Variants in ACTL6B observed in about 807,000 individuals in gnomAD.
ACTL6B encodes the protein actin like 6B.
A neutral mutation model predicts 63.3 loss-of-function variants in ACTL6B; 48 were observed. The observed-to-expected ratio is 0.76, with a 90% CI of 0.60 to 0.96. ACTL6B has a LOEUF of 0.96. ACTL6B is among the 50% of genes least tolerant of loss of function. The pLI is 0.00. For missense variants in ACTL6B, 350 were observed against 572.2 expected (o/e 0.61, Z 3.96); for synonymous variants, 230 against 223.8 (o/e 1.03, Z -0.25).
In ACTL6B at chr7:100,647,582, C is replaced by CA. The variant is rs748851049; in HGVS notation, c.670-50dup. On this transcript the variant is annotated intron_variant, in intron 7 of 13. Coordinates refer to ENST00000160382, the MANE Select transcript of ACTL6B (RefSeq NM_016188.5). This position sits in a 1 kb window ranked among gnomAD's most constrained non-coding sequence, Gnocchi z 4.4. ...ACCCTTTCCTAGCCCACCTGACCCC[C>CA]ACCCCCACCTTCCTGGCACTGTTCC... 5 of 1,374,094 alleles carry CA rather than the reference C, an allele frequency of 3.6e-6. No homozygotes were observed. The East Asian group carries it at 1.2e-4, about 32-fold the overall frequency. The allele number at this position is 1,374,094 out of a possible 1,614,324, so 85.1% of individuals were successfully genotyped here. A position where few individuals can be genotyped will look rare whatever the true frequency, so the allele number is the denominator to read the frequency against.
Position 100,646,552 on chromosome 7 carries a change from G to T in ACTL6B, c.1112C>A (p.Pro371Gln). Reference protein sequence around the residue: ...LNRELSQKTPPSMRLKLIASN... With the variant: ...LNRELSQKTPQSMRLKLIASN... The stretch of plus-strand genomic sequence containing the variant: ...TCTGGGTCAGGGGTGGGCTCCTACC[G>T]GTGGGGTCTTCTGGGAAAGCTCTCG... Residue 371 changes from proline to glutamine, a missense_variant and splice_region_variant, in exon 12 of 14, where the codon CCG (proline) becomes CAG (glutamine). Physicochemically the swap from Pro to Gln is moderately conservative, Grantham distance 76. Around this residue, in one of 3 missense-constraint regions of ACTL6B, gnomAD observed 76 missense variants for 126.1 expected, o/e 0.60. Coordinates refer to ENST00000160382, the MANE Select transcript of ACTL6B (RefSeq NM_016188.5). The surrounding 1 kb of genome is among the most constrained non-coding windows in gnomAD (Gnocchi z 6.1). 1 of 1,614,012 alleles carries T rather than the reference G, an allele frequency of 6.2e-7. No individual in the cohort carries two copies. The highest frequency in any genetic ancestry group is 8.5e-7 in the Non-Finnish European group (1 of 1,179,990).
intron 4 of ACTL6B, among the ~76,000 whole-genome samples, chr7:100,654,432 C>CATAATAATA (rs146623180): frequency 9.4e-4 from 129 of 137,442 alleles, no homozygotes; most frequent in Non-Finnish European, 1.2e-3. Context: ...CAAAGTTGAC[C>CATAATAATA]ATAATAATAA....
At position 100,646,870 on chromosome 7, in the gene ACTL6B, C is replaced by T. The variant is rs1227715634; in HGVS notation, c.937-39G>A. The stretch of plus-strand genomic sequence containing the variant: ...TGACTGGGGCTGTGGGCTCTCTCCC[C>T]CTTCCCCCCAGACCCCTGCAATCCT... On this transcript the variant is annotated intron_variant, in intron 10 of 13. Coordinates refer to ENST00000160382, the MANE Select transcript of ACTL6B (RefSeq NM_016188.5). The surrounding 1 kb of genome is among the most constrained non-coding windows in gnomAD (Gnocchi z 6.1). 1 of 1,603,612 alleles carries T rather than the reference C, an allele frequency of 6.2e-7. No homozygotes were observed. The highest frequency in any genetic ancestry group is 8.5e-7 in the Non-Finnish European group (1 of 1,174,496).
At position 100,656,323 on chromosome 7, in the gene ACTL6B, C is replaced by A; in HGVS notation, c.25+7G>T. 7.2e-7 allele frequency: 1 copy of A among 1,383,180 alleles called. No individual in the cohort carries two copies. Among genetic ancestry groups the A allele is most frequent in the African/African-American group, 1.5e-5 (1 of 66,140 alleles). 85.7% of individuals were successfully genotyped at this position (1,383,180 alleles called of 1,614,324 possible). A position where few individuals can be genotyped will look rare whatever the true frequency, so the allele number is the denominator to read the frequency against. ...CTGCGGGAGCCGGGGGCCCGAGGCT[C>A]GCTCACCTCCGCCGTAGACGCCCCC... On this transcript the variant is annotated splice_region_variant and intron_variant, in intron 1 of 13. Transcript: ENST00000160382.
At position 100,643,247 on chromosome 7, in the gene ACTL6B, C is replaced by T; in HGVS notation, c.1280G>A (p.Ter427=). ...GKQCVERKCP[*] Reference sequence around the variant, plus strand: ...GCAGGTGTGTGGGGAGGAGTGCCATCAGGGGCACTTTCGCTCCACGCACTG... The same window carrying T: ...GCAGGTGTGTGGGGAGGAGTGCCATTAGGGGCACTTTCGCTCCACGCACTG... Residue 427 remains the stop codon, a stop_retained_variant, in exon 14 of 14, where the codon TGA becomes TAA. Transcript: ENST00000160382. The T allele has an allele frequency of 1.9e-6, 3 of 1,613,942 alleles. No homozygotes were observed. Among genetic ancestry groups the T allele is most frequent in the Non-Finnish European group, 1.7e-6 (2 of 1,179,924 alleles).
At position 100,651,286 on chromosome 7, in the gene ACTL6B, C is replaced by T. The variant is rs150577037; in HGVS notation, c.370-1151G>A. Among the ~76,000 whole-genome samples, 1,114 of 152,190 alleles carry T rather than the reference C, an allele frequency of 7.3e-3. 7 individuals are homozygous for T. Among genetic ancestry groups the T allele is most frequent in the Non-Finnish European group, 0.01 (699 of 68,012 alleles). ...TTTTTAGATGCTGGGCGCGGTGGCT[C>T]ATGCCTGTAATCCCAGCGCTTTGGG... On this transcript the variant is annotated intron_variant, in intron 4 of 13. Coordinates refer to ENST00000160382, the MANE Select transcript of ACTL6B (RefSeq NM_016188.5).
chr7:100,655,960 AGCCACAGTCTC>A lies in ACTL6B; in HGVS notation c.26-92_26-82del. 7.1e-7 allele frequency: 1 copy of A among 1,412,132 alleles called. No homozygotes were observed. The highest frequency in any genetic ancestry group is 9.6e-7 in the Non-Finnish European group (1 of 1,039,870). 87.5% of individuals were successfully genotyped at this position (1,412,132 alleles called of 1,614,324 possible). A position where few individuals can be genotyped will look rare whatever the true frequency, so the allele number is the denominator to read the frequency against. On this transcript the variant is annotated intron_variant, in intron 1 of 13. Coordinates refer to ENST00000160382, the MANE Select transcript of ACTL6B (RefSeq NM_016188.5). The surrounding 1 kb of genome is among the most constrained non-coding windows in gnomAD (Gnocchi z 4.4). ...TAGCTCCGAGAGAAAGTCAGGGCAGAGCCACAGTCTCGCCACTTTCAACACCAGTCTGGGGC... is the reference window on the plus strand; with the variant it reads ...TAGCTCCGAGAGAAAGTCAGGGCAGAGCCACTTTCAACACCAGTCTGGGGC...
intron 4 of ACTL6B, among the ~76,000 whole-genome samples, chr7:100,653,718 G>A (rs1407980331): frequency 1.3e-5 from 2 of 152,054 alleles, no homozygotes; most frequent in Admixed American, 1.3e-4. Flanking sequence ...AAAACCCACT[G>A]TACTTAAAGG....
At chr7:100,649,629 T>G (rs897425282) in intron 5 of ACTL6B, among the ~76,000 whole-genome samples, 2 of 152,214 alleles carry the variant, frequency 1.3e-5, no homozygotes, top group East Asian at 1.9e-4. Flanking sequence ...GTCCTACAGA[T>G]TCCCTGAAAT....
chr7:100,643,356 G>A (rs1353607442), intron 13 of ACTL6B, 30 bp from the exon 14 acceptor site: 4 of 1,611,470 alleles, frequency 2.5e-6, no homozygotes, highest in Non-Finnish European at 3.4e-6. Flanking sequence ...TCAGGGTCAG[G>A]GTGGCCTTGG....
Position 100,655,374 on chromosome 7 carries a change from G to T in ACTL6B, c.268+47C>A. On this transcript the variant is annotated intron_variant, in intron 3 of 13. Transcript: ENST00000160382. This position sits in a 1 kb window ranked among gnomAD's most constrained non-coding sequence, Gnocchi z 4.4. ...GGGCTGCTATGACCCAGATTGTGGG[G>T]AGCGGGCTCCTTTTCTGTCAGGAGG... 6.3e-7 allele frequency: 1 copy of T among 1,588,860 alleles called. No homozygotes were observed. The highest frequency in any genetic ancestry group is 8.6e-7 in the Non-Finnish European group (1 of 1,166,156).
intron 1 of ACTL6B, 58 bp downstream of exon 1, chr7:100,656,272 G>A (rs1245291583): frequency 1.9e-5 from 26 of 1,374,098 alleles, no homozygotes; most frequent in Non-Finnish European, 2.3e-5. Context: ...GAGCTCGGAT[G>A]GATGGCGCGG....
chr7:100,655,219 G>C lies in ACTL6B; in HGVS notation c.269-100C>G. 1 of 1,229,934 alleles carries C rather than the reference G, an allele frequency of 8.1e-7. No individual in the cohort carries two copies. The highest frequency in any genetic ancestry group is 1.3e-5 in the South Asian group (1 of 78,992). The allele number at this position is 1,229,934 out of a possible 1,614,324, so 76.2% of individuals were successfully genotyped here. A position where few individuals can be genotyped will look rare whatever the true frequency, so the allele number is the denominator to read the frequency against. On this transcript the variant is annotated intron_variant, in intron 3 of 13. Coordinates refer to ENST00000160382, the MANE Select transcript of ACTL6B (RefSeq NM_016188.5). The surrounding 1 kb of genome is among the most constrained non-coding windows in gnomAD (Gnocchi z 4.4). The stretch of plus-strand genomic sequence containing the variant: ...AAAGGCCAAGCCCAAAGGAGGGTCA[G>C]TGAGTCCAGCTCCAGGGGAACGCCC...
At position 100,647,848 on chromosome 7, in the gene ACTL6B, A is replaced by G; in HGVS notation, c.670-315T>C. The G allele has an allele frequency of 3.0e-6, 1 of 336,516 alleles. No individual in the cohort carries two copies. Among genetic ancestry groups the G allele is most frequent in the Non-Finnish European group, 5.4e-6 (1 of 184,146 alleles). 20.8% of individuals were successfully genotyped at this position (336,516 alleles called of 1,614,324 possible). A position where few individuals can be genotyped will look rare whatever the true frequency, so the allele number is the denominator to read the frequency against. On this transcript the variant is annotated intron_variant, in intron 7 of 13. Coordinates refer to ENST00000160382, the MANE Select transcript of ACTL6B (RefSeq NM_016188.5). The surrounding 1 kb of genome is among the most constrained non-coding windows in gnomAD (Gnocchi z 4.4). Reference sequence around the variant, plus strand: ...GGGCACGGAATGGAGCTAAGCACACAGTGTCACTTCATACTCACAGCACCC... The same window carrying G: ...GGGCACGGAATGGAGCTAAGCACACGGTGTCACTTCATACTCACAGCACCC...
In ACTL6B at chr7:100,647,622, C is replaced by T; in HGVS notation, c.670-89G>A. 1.0e-6 allele frequency: 1 copy of T among 997,070 alleles called. No homozygotes were observed. The highest frequency in any genetic ancestry group is 1.6e-5 in the South Asian group (1 of 63,396). 61.8% of individuals were successfully genotyped at this position (997,070 alleles called of 1,614,324 possible). A position where few individuals can be genotyped will look rare whatever the true frequency, so the allele number is the denominator to read the frequency against. ...GGCACTGTTCCCAGCTCTGCAGCTA[C>T]CTGGCGCTGCAGGCTCTGCTGTGCT... On this transcript the variant is annotated intron_variant, in intron 7 of 13. Transcript: ENST00000160382. The surrounding 1 kb of genome is among the most constrained non-coding windows in gnomAD (Gnocchi z 4.4).
chr7:100,645,782 C>T (rs1803809382), intron 13 of ACTL6B, among the ~76,000 whole-genome samples: 1 of 152,064 alleles, frequency 6.6e-6, no homozygotes, highest in South Asian at 2.1e-4. Flanking sequence ...CAGGCATGCA[C>T]CACCATGCCT....
Position 100,646,398 on chromosome 7 carries a change from G to C in ACTL6B, c.1114-63C>G. 1.3e-6 allele frequency: 2 copies of C among 1,585,590 alleles called. No individual in the cohort carries two copies. Among genetic ancestry groups the C allele is most frequent in the Non-Finnish European group, 1.7e-6 (2 of 1,159,690 alleles). On this transcript the variant is annotated intron_variant, in intron 12 of 13. Transcript: ENST00000160382. The surrounding 1 kb of genome is among the most constrained non-coding windows in gnomAD (Gnocchi z 6.1). ...GGTTCTGGGAAGGGACAGGGCTTGG[G>C]GGAGAGGGGAAGACTTGGGAAGCCA...
At position 100,655,806 on chromosome 7, in the gene ACTL6B, G is replaced by A; in HGVS notation, c.99C>T (p.Pro33=). ...GAGAGGAGACTGGAAGGCTCACCTT[G>A]GGACAGTCCTCCCCAGCGTACCCAG... The part of the protein sequence containing the change: ...VRAGYAGEDC[P]KADFPTTVGL... The change falls in exon 2 of 14, where the codon CCC becomes CCT. Residue 33 remains proline, a synonymous_variant. Transcript: ENST00000160382. This position sits in a 1 kb window ranked among gnomAD's most constrained non-coding sequence, Gnocchi z 4.4. The A allele has an allele frequency of 6.4e-7, 1 of 1,568,286 alleles. No homozygotes were observed. The highest frequency in any genetic ancestry group is 2.4e-5 in the East Asian group (1 of 41,992).
chr7:100,646,941 C>A lies in ACTL6B; in HGVS notation c.936+30G>T, dbSNP rs1432762125. On this transcript the variant is annotated intron_variant, in intron 10 of 13. Coordinates refer to ENST00000160382, the MANE Select transcript of ACTL6B (RefSeq NM_016188.5). The surrounding 1 kb of genome is among the most constrained non-coding windows in gnomAD (Gnocchi z 6.1). Reference sequence around the variant, plus strand: ...CAGGATCCAGGGACTGCAGCCAGCACCCACCCCAGTCCTCGCCACACAGCC... The same window carrying A: ...CAGGATCCAGGGACTGCAGCCAGCAACCACCCCAGTCCTCGCCACACAGCC... The A allele has an allele frequency of 6.2e-7, 1 of 1,610,800 alleles. No homozygotes were observed. The highest frequency in any genetic ancestry group is 8.5e-7 in the Non-Finnish European group (1 of 1,177,624).
Sources: allele counts gnomAD v4.1 joint callset (sites outside exome capture counted in the v4.1 genomes callset), GRCh38; gene constraint gnomAD v4.1.1; regional missense constraint gnomAD v4.1.1; non-coding constraint Gnocchi (gnomAD v3.1); transcripts MANE v1.5; gene names NCBI Gene and HGNC (gene_info 2026-07-23, HGNC 2026-07-21).